Variants in PPARA observed in about 807,000 individuals in gnomAD.
PPARA encodes peroxisome proliferator-activated receptor alpha.
Under a neutral mutation model 42.2 loss-of-function variants are expected in PPARA, and 22 were observed. The observed-to-expected ratio is 0.52, with a 90% CI of 0.37 to 0.74. The LOEUF is 0.74. Ranked by LOEUF, PPARA falls within the 30% of genes least tolerant of loss-of-function variation. The pLI, the probability that PPARA is intolerant of heterozygous loss-of-function variation, is 0.00. For synonymous variants in PPARA, 242 were observed against 239.3 expected, an observed-to-expected ratio of 1.01 and a Z score of -0.10; for missense variants, 465 against 608.2, an observed-to-expected ratio of 0.76 and a Z score of 2.48.
At chr22:46,181,013 T>G (rs951694975) in intron 3 of PPARA, among the ~76,000 whole-genome samples, 4 of 152,020 alleles carry the variant, frequency 2.6e-5, no homozygotes, top group Non-Finnish European at 5.9e-5. Flanking sequence ...GGGCTGGGGA[T>G]GGTGAGAGTA....
Position 46,213,403 on chromosome 22 carries a change from CTTTTTT to C in PPARA, c.209-1758_209-1753del, listed in dbSNP as rs61615727. On this transcript the variant is annotated intron_variant, in intron 4 of 8. Coordinates refer to ENST00000407236, the MANE Select transcript of PPARA (RefSeq NM_005036.6). The stretch of plus-strand genomic sequence containing the variant: ...TTCAGATCTTTTGCCCATTTTCTTT[CTTTTTT>C]TTTTTTTTTTTCCTTTTGATACGGA... 3.8e-4 allele frequency among the ~76,000 whole-genome samples: 51 copies of C among 134,854 alleles called. 1 individual carries two copies. Among genetic ancestry groups the C allele is most frequent in the African/African-American group, 1.4e-3 (49 of 36,196 alleles). 88.5% of individuals were successfully genotyped at this position (134,854 alleles called of 152,430 possible). A position where few individuals can be genotyped will look rare whatever the true frequency, so the allele number is the denominator to read the frequency against.
rs932820337 is a variant in PPARA at position 46,182,012 on chromosome 22, T to A, written c.-43+5176T>A. ...CACCACCACGCCTGGCTAATTTTTTTAAATTTTATTTTTAGTAGAGACGGG... is the reference window on the plus strand; with the variant it reads ...CACCACCACGCCTGGCTAATTTTTTAAAATTTTATTTTTAGTAGAGACGGG... On this transcript the variant is annotated intron_variant, in intron 3 of 8. Transcript: ENST00000407236. The surrounding 1 kb of genome is among the most constrained non-coding windows in gnomAD (Gnocchi z 5.2). Among the ~76,000 whole-genome samples the A allele has an allele frequency of 2.0e-5, 3 of 152,210 alleles. No homozygotes were observed. Among genetic ancestry groups the A allele is most frequent in the Admixed American group, 1.3e-4 (2 of 15,280 alleles).
chr22:46,169,685 A>G (rs947355091), intron 2 of PPARA, among the ~76,000 whole-genome samples: 1 of 152,032 alleles, frequency 6.6e-6, no homozygotes, highest in African/African-American at 2.4e-5. Flanking sequence ...TAGTGTATCT[A>G]TATCTAGGAA....
rs144244170 is a variant in PPARA at position 46,200,737 on chromosome 22, A to G, written c.208+2146A>G. On this transcript the variant is annotated intron_variant, in intron 4 of 8. Transcript: ENST00000407236. The surrounding 1 kb of genome is among the most constrained non-coding windows in gnomAD (Gnocchi z 4.8). ...TCAAGACCAGTCTGGCCAACATGGC[A>G]AAACCCCATCTCTACTAAAGAATAC... Among the ~76,000 whole-genome samples the G allele has an allele frequency of 0.024, 3,578 of 149,084 alleles. 133 individuals carry two copies. The highest frequency in any genetic ancestry group is 0.083 in the African/African-American group (3,355 of 40,384).
At chr22:46,152,132 A>ATTTTTT (rs780789203) in intron 2 of PPARA, among the ~76,000 whole-genome samples, 162 bp downstream of exon 2, 34 of 104,670 alleles carry the variant, frequency 3.2e-4, no homozygotes, top group African/African-American at 3.5e-4. Context: ...GCATGGATTC[A>ATTTTTT]TTTTTTTTTT....
intron 3 of PPARA, 91 bp from the exon 4 acceptor site, chr22:46,198,251 A>AAAAAAAG: frequency 2.4e-5 from 11 of 465,456 alleles, no homozygotes; most frequent in African/African-American, 2.1e-5. Context: ...AAAAAAAAAA[A>AAAAAAAG]AAGAATAAAT....
intron 3 of PPARA, among the ~76,000 whole-genome samples, chr22:46,194,201 T>C (rs1053581328): frequency 1.3e-5 from 2 of 152,312 alleles, no homozygotes; most frequent in South Asian, 2.1e-4. Context: ...TGTTCAATGA[T>C]CCGTATACAG....
At position 46,184,543 on chromosome 22, in the gene PPARA, C is replaced by T. The variant is rs1212283081; in HGVS notation, c.-43+7707C>T. On this transcript the variant is annotated intron_variant, in intron 3 of 8. Coordinates refer to ENST00000407236, the MANE Select transcript of PPARA (RefSeq NM_005036.6). This position sits in a 1 kb window ranked among gnomAD's most constrained non-coding sequence, Gnocchi z 4.4. ...GGTTTCCAACTGTTATCTTTCACTT[C>T]CCATGTTGCTGTTGGAAAATCCAAA... Among the ~76,000 whole-genome samples the T allele has an allele frequency of 2.0e-5, 3 of 152,170 alleles. No homozygotes were observed. The highest frequency in any genetic ancestry group is 4.4e-5 in the Non-Finnish European group (3 of 68,034).
At position 46,219,214 on chromosome 22, in the gene PPARA, C is replaced by T. The variant is rs1471299617; in HGVS notation, c.509-598C>T. Reference sequence around the variant, plus strand: ...CTCAAATAGCTGAGATTCAGTGGTGCATTGGACTCGCTGTTAGAAACTTCA... The same window carrying T: ...CTCAAATAGCTGAGATTCAGTGGTGTATTGGACTCGCTGTTAGAAACTTCA... On this transcript the variant is annotated intron_variant, in intron 6 of 8. Coordinates refer to ENST00000407236, the MANE Select transcript of PPARA (RefSeq NM_005036.6). This position sits in a 1 kb window ranked among gnomAD's most constrained non-coding sequence, Gnocchi z 4.8. 6.6e-6 allele frequency among the ~76,000 whole-genome samples: 1 copy of T among 152,048 alleles called. No individual in the cohort carries two copies. The highest frequency in any genetic ancestry group is 1.9e-4 in the East Asian group (1 of 5,186).
chr22:46,206,291 T>C (rs2147461049), intron 4 of PPARA, among the ~76,000 whole-genome samples: 1 of 152,044 alleles, frequency 6.6e-6, no homozygotes, highest in East Asian at 1.9e-4. Context: ...TGTGTGTGTG[T>C]ATTTTTACTA....
rs545225198 is a variant in PPARA at position 46,240,356 on chromosome 22, C to T, written c.*4976C>T. Reference sequence around the variant, plus strand: ...GTCCCCAGGCACGGTGCACTTTCTCCACCTCCTGCAGCCTCCCTGTTGTTT... The same window carrying T: ...GTCCCCAGGCACGGTGCACTTTCTCTACCTCCTGCAGCCTCCCTGTTGTTT... On this transcript the variant is annotated 3_prime_UTR_variant, in exon 9 of 9. Coordinates refer to ENST00000407236, the MANE Select transcript of PPARA (RefSeq NM_005036.6). This position sits in a 1 kb window ranked among gnomAD's most constrained non-coding sequence, Gnocchi z 6.0. The T allele has an allele frequency of 6.5e-5, 26 of 397,162 alleles. No homozygotes were observed. In the South Asian group the frequency reaches 2.3e-3, roughly 35 times the overall value. 24.6% of individuals were successfully genotyped at this position (397,162 alleles called of 1,614,324 possible). A position where few individuals can be genotyped will look rare whatever the true frequency, so the allele number is the denominator to read the frequency against.
rs1935392600 is a variant in PPARA, at chr22:46,225,857, A to G, written c.711+5843A>G. 6.6e-6 allele frequency among the ~76,000 whole-genome samples: 1 copy of G among 151,284 alleles called. No homozygotes were observed. Among genetic ancestry groups the G allele is most frequent in the South Asian group, 2.1e-4 (1 of 4,792 alleles). On this transcript the variant is annotated intron_variant, in intron 7 of 8. Transcript: ENST00000407236. This position sits in a 1 kb window ranked among gnomAD's most constrained non-coding sequence, Gnocchi z 4.1. ...TCCACCCCCACACACGCACACACAC[A>G]CATGCACCCACACATGGATACACGC... is the stretch of plus-strand genomic sequence containing the variant.
In PPARA at chr22:46,215,384, T is replaced by C. The variant is rs370528678; in HGVS notation, c.369+51T>C. 916 of 1,609,504 alleles carry C rather than the reference T, an allele frequency of 5.7e-4. 10 individuals carry two copies. In the African/African-American group the frequency reaches 0.011, roughly 20 times the overall value. On this transcript the variant is annotated intron_variant, in intron 5 of 8. Coordinates refer to ENST00000407236, the MANE Select transcript of PPARA (RefSeq NM_005036.6). ...GGTGGCCGCCACCATCAACTACTTA[T>C]GGTCACTTTTATAGCAAATGGCAGT...
rs958101580 is a variant in PPARA at position 46,216,765 on chromosome 22, T to C, written c.369+1432T>C. On this transcript the variant is annotated intron_variant, in intron 5 of 8. Transcript: ENST00000407236. The surrounding 1 kb of genome is among the most constrained non-coding windows in gnomAD (Gnocchi z 4.5). Reference sequence around the variant, plus strand: ...GAGTGCATGAAGGCAGGCCCTGTTGTCCTGCATGCTGCCAGCTGGACTGGT... The same window carrying C: ...GAGTGCATGAAGGCAGGCCCTGTTGCCCTGCATGCTGCCAGCTGGACTGGT... 6.6e-6 allele frequency among the ~76,000 whole-genome samples: 1 copy of C among 152,146 alleles called. No homozygotes were observed. Among genetic ancestry groups the C allele is most frequent in the East Asian group, 1.9e-4 (1 of 5,192 alleles).
rs1428488063 is a variant in PPARA at position 46,162,436 on chromosome 22, G to A, written c.-127+10466G>A. On this transcript the variant is annotated intron_variant, in intron 2 of 8. Coordinates refer to ENST00000407236, the MANE Select transcript of PPARA (RefSeq NM_005036.6). This position sits in a 1 kb window ranked among gnomAD's most constrained non-coding sequence, Gnocchi z 6.0. The stretch of plus-strand genomic sequence containing the variant: ...CACTCCCTTACCCTCATACCCCGCC[G>A]CACCCCTGTGACCTCTACCTTTGAG... 6.6e-6 allele frequency among the ~76,000 whole-genome samples: 1 copy of A among 152,152 alleles called. No individual in the cohort carries two copies. Among genetic ancestry groups the A allele is most frequent in the Admixed American group, 6.5e-5 (1 of 15,274 alleles).
In PPARA at chr22:46,224,799, A is replaced by G. The variant is rs1298123583; in HGVS notation, c.711+4785A>G. ...GAAATGTTCAAAGCCTTGATGGGGA[A>G]GCACGGGGGATGGATAGATTTTAAT... On this transcript the variant is annotated intron_variant, in intron 7 of 8. Transcript: ENST00000407236. This position sits in a 1 kb window ranked among gnomAD's most constrained non-coding sequence, Gnocchi z 5.7. Among the ~76,000 whole-genome samples the G allele has an allele frequency of 6.6e-6, 1 of 152,182 alleles. No homozygotes were observed. Among genetic ancestry groups the G allele is most frequent in the Admixed American group, 6.5e-5 (1 of 15,276 alleles).
Position 46,235,022 on chromosome 22 carries a change from GT to G in PPARA, c.1160-104del, listed in dbSNP as rs1317658796. 2.7e-6 allele frequency: 4 copies of G among 1,493,482 alleles called. No homozygotes were observed. The highest frequency in any genetic ancestry group is 1.2e-5 in the South Asian group (1 of 86,912). 92.5% of individuals were successfully genotyped at this position (1,493,482 alleles called of 1,614,324 possible). On this transcript the variant is annotated intron_variant, in intron 8 of 8. Transcript: ENST00000407236. The surrounding 1 kb of genome is among the most constrained non-coding windows in gnomAD (Gnocchi z 7.0). ...GTTGACAATATCTAAAGGCAGCTCAGTTTTTTTCTAAGAAAGGCCACATAAA... is the reference window on the plus strand; with the variant it reads ...GTTGACAATATCTAAAGGCAGCTCAGTTTTTTCTAAGAAAGGCCACATAAA...
In PPARA at chr22:46,229,788, AT is replaced by A. The variant is rs1346297631; in HGVS notation, c.712-1998del. Among the ~76,000 whole-genome samples, 3 of 152,154 alleles carry A rather than the reference AT, an allele frequency of 2.0e-5. No homozygotes were observed. The South Asian group carries it at 6.2e-4, about 32-fold the overall frequency. ...GAATGTTTTCACTCATTTGTGAGTA[AT>A]TTTTTAAATATCCCCTTTCCTCAGA... On this transcript the variant is annotated intron_variant, in intron 7 of 8. Coordinates refer to ENST00000407236, the MANE Select transcript of PPARA (RefSeq NM_005036.6).
At chr22:46,218,835 C>CAA (rs749022835) in intron 6 of PPARA, among the ~76,000 whole-genome samples, 2,321 of 69,162 alleles carry the variant, frequency 0.034, 95 homozygotes, top group African/African-American at 0.13. Context: ...TTCCGTCTCA[C>CAA]AAAAAAAAAA....
Sources: allele counts gnomAD v4.1 joint callset (sites outside exome capture counted in the v4.1 genomes callset), GRCh38; gene constraint gnomAD v4.1.1; non-coding constraint Gnocchi (gnomAD v3.1); transcripts MANE v1.5; gene names NCBI Gene and HGNC (gene_info 2026-07-23, HGNC 2026-07-21).